The following HDAC9 variants were observed in gnomAD, a reference collection of about 807,000 sequenced individuals.
HDAC9 encodes the protein histone deacetylase 9, also known as MEF-2 interacting transcription repressor (MITR) protein.
A neutral mutation model predicts 139.4 loss-of-function variants in HDAC9; 41 were observed. The ratio of observed to expected loss-of-function variants is 0.29; its 90% confidence interval spans 0.23 to 0.38. HDAC9 has a LOEUF of 0.38. Ranked by LOEUF, HDAC9 falls within the 10% of genes least tolerant of loss-of-function variation. HDAC9 has a pLI of 1.00. For missense variants in HDAC9, 1,147 were observed against 1,297.0 expected (o/e 0.88, Z 1.78); for synonymous variants, 517 against 476.2 (o/e 1.09, Z -1.12).
chr7:18,929,867 A>G (rs1363169137), intron 22 of HDAC9, among the ~76,000 whole-genome samples: 1 of 151,842 alleles, frequency 6.6e-6, no homozygotes, highest in African/African-American at 2.4e-5. Context: ...TGAACCCGGG[A>G]GGTGGAGGTT....
chr7:18,992,758 C>T (rs1342989086), intron 25 of HDAC9, among the ~76,000 whole-genome samples: 1 of 151,748 alleles, frequency 6.6e-6, no homozygotes, highest in Non-Finnish European at 1.5e-5. Context: ...TGAATTGATC[C>T]TTCTTTAGGA....
chr7:18,825,026 A>G (rs919347887), intron 17 of HDAC9, among the ~76,000 whole-genome samples: 7 of 152,250 alleles, frequency 4.6e-5, no homozygotes, highest in Non-Finnish European at 1.0e-4. Context: ...CACTGGATCA[A>G]TCATGGTACC....
At chr7:18,170,080 T>G (rs1459883297) in intron 2 of HDAC9, among the ~76,000 whole-genome samples, 1 of 152,212 alleles carries the variant, frequency 6.6e-6, no homozygotes, top group African/African-American at 2.4e-5. Context: ...CCACCAACAG[T>G]GTAAAAGTGT....
chr7:18,431,994 C>T (rs1328029875), intron 1 of HDAC9, among the ~76,000 whole-genome samples: 1 of 152,230 alleles, frequency 6.6e-6, no homozygotes, highest in Non-Finnish European at 1.5e-5. Flanking sequence ...CTCCTCACAT[C>T]CTTCTGGGCA....
intron 2 of HDAC9, among the ~76,000 whole-genome samples, chr7:18,523,331 C>T (rs1805687097): frequency 1.3e-5 from 2 of 152,168 alleles, no homozygotes; most frequent in African/African-American, 4.8e-5. Flanking sequence ...TAACCTCTAA[C>T]TATTAACTAG....
chr7:18,257,569 A>T (rs571000449), intron 2 of HDAC9, among the ~76,000 whole-genome samples: 1 of 152,282 alleles, frequency 6.6e-6, no homozygotes, highest in Admixed American at 6.5e-5. Flanking sequence ...TTAGCCACAC[A>T]AAAGAGTGAA....
intron 12 of HDAC9, among the ~76,000 whole-genome samples, chr7:18,673,020 C>CT (rs979842556): frequency 1.3e-4 from 20 of 151,966 alleles, no homozygotes; most frequent in Non-Finnish European, 2.5e-4. Flanking sequence ...TTTATTATTC[C>CT]TTTTTTTCTG....
chr7:18,573,594 G>A (rs1310806277), intron 2 of HDAC9, among the ~76,000 whole-genome samples: 1 of 152,226 alleles, frequency 6.6e-6, no homozygotes, highest in Non-Finnish European at 1.5e-5. Context: ...AAGGCGTGGA[G>A]CGGTGAGGGG....
chr7:18,719,274 T>C (rs1584908717), intron 12 of HDAC9, among the ~76,000 whole-genome samples: 1 of 151,506 alleles, frequency 6.6e-6, no homozygotes, highest in East Asian at 1.9e-4. Flanking sequence ...TGGTGTCCTT[T>C]GAAGCACAAC....
intron 16 of HDAC9, among the ~76,000 whole-genome samples, chr7:18,775,532 G>A (rs1790688043): frequency 6.6e-6 from 1 of 151,992 alleles, no homozygotes; most frequent in Admixed American, 6.6e-5. Flanking sequence ...ATTCTTTGCT[G>A]CTAAATAGAT....
chr7:18,832,036 G>A (rs1484263411), intron 19 of HDAC9, among the ~76,000 whole-genome samples: 1 of 152,194 alleles, frequency 6.6e-6, no homozygotes, highest in Non-Finnish European at 1.5e-5. Context: ...GATTCTAGTT[G>A]ATCTGTGGAG....
At position 18,629,349 on chromosome 7, in the gene HDAC9, G is replaced by A; in HGVS notation, c.665-1G>A. The A allele has an allele frequency of 6.4e-7, 1 of 1,565,674 alleles. No individual in the cohort carries two copies. The highest frequency in any genetic ancestry group is 8.6e-7 in the Non-Finnish European group (1 of 1,158,344). On this transcript the variant is annotated splice_acceptor_variant, in intron 6 of 25. Transcript: ENST00000686413. LOFTEE classifies it high-confidence loss of function. ...TTTTTTTTTTTTGTCTCAATCCCCA[G>A]CCTCTGAGCCCAACTTGAAGGTGCG...
chr7:18,461,764 T>G (rs141140381), intron 1 of HDAC9, among the ~76,000 whole-genome samples: 9 of 152,316 alleles, frequency 5.9e-5, no homozygotes, highest in African/African-American at 1.9e-4. Context: ...CTGTTAGATT[T>G]TTTAAATAAA....
chr7:18,640,240 G>GA (rs112664272), intron 8 of HDAC9, among the ~76,000 whole-genome samples: 164 of 140,638 alleles, frequency 1.2e-3, no homozygotes, highest in Middle Eastern at 7.2e-3. Flanking sequence ...TCTACAGGGA[G>GA]AAAAAAAAAA....
intron 11 of HDAC9, among the ~76,000 whole-genome samples, chr7:18,654,347 C>T (rs1790365283): frequency 1.3e-5 from 2 of 152,116 alleles, no homozygotes; most frequent in Non-Finnish European, 2.9e-5. Context: ...TGCATCTTTT[C>T]AGCACCTTCT....
chr7:18,928,059 C>T (rs1266339874), intron 22 of HDAC9, among the ~76,000 whole-genome samples: 2 of 152,112 alleles, frequency 1.3e-5, no homozygotes, highest in Non-Finnish European at 2.9e-5. Flanking sequence ...GAATCATGAT[C>T]GAGGTATCTT....
chr7:18,711,590 G>C (rs1301607383), intron 12 of HDAC9, among the ~76,000 whole-genome samples: 1 of 152,268 alleles, frequency 6.6e-6, no homozygotes, highest in East Asian at 1.9e-4. Flanking sequence ...GCTGTGGTCT[G>C]CCACACCCAC....
At chr7:18,822,259 C>A (rs1008046520) in intron 17 of HDAC9, among the ~76,000 whole-genome samples, 1 of 152,176 alleles carries the variant, frequency 6.6e-6, no homozygotes, top group Admixed American at 6.5e-5. Context: ...TATCCAGGAG[C>A]CCCCAGCCCC....
At chr7:18,946,601 T>C (rs531757108) in intron 23 of HDAC9, among the ~76,000 whole-genome samples, 1 of 152,164 alleles carries the variant, frequency 6.6e-6, no homozygotes, top group African/African-American at 2.4e-5. Flanking sequence ...AAATATTCTA[T>C]GAACCAAGAA....
Sources: allele counts gnomAD v4.1 joint callset (sites outside exome capture counted in the v4.1 genomes callset), GRCh38; gene constraint gnomAD v4.1.1; transcripts MANE v1.5; gene names NCBI Gene and HGNC (gene_info 2026-07-23, HGNC 2026-07-21).